Variants in ZFHX3 observed in about 807,000 individuals in gnomAD.
The protein encoded by ZFHX3 is zinc finger homeobox 3.
A neutral mutation model predicts 279.1 loss-of-function variants in ZFHX3; 42 were observed. The ratio of observed to expected loss-of-function variants is 0.15; its 90% CI spans 0.12 to 0.19. ZFHX3 has a LOEUF of 0.19. Among genes scored for constraint, ZFHX3 ranks in the 10% least tolerant of loss-of-function variants. ZFHX3 has a pLI of 1.00. For synonymous variants in ZFHX3, 2,293 were observed against 1,957.8 expected, an observed-to-expected ratio of 1.17 and a Z score of -4.52; for missense variants, 4,981 against 4,754.0, an observed-to-expected ratio of 1.05 and a Z score of -1.40.
intron 2 of ZFHX3, among the ~76,000 whole-genome samples, chr16:73,619,622 G>A (rs1012569762): frequency 1.3e-5 from 2 of 151,380 alleles, no homozygotes; most frequent in Non-Finnish European, 2.9e-5. Flanking sequence ...CAAAGTTTAT[G>A]GTCCTTGGCT....
At chr16:73,242,483 C>T (rs1220538319) in intron 5 of ZFHX3, among the ~76,000 whole-genome samples, 2 of 152,140 alleles carry the variant, frequency 1.3e-5, no homozygotes, top group South Asian at 4.1e-4. Flanking sequence ...GTGAGTTTTT[C>T]GTGTCTCTTG....
At chr16:73,603,437 G>A (rs1043956302) in intron 2 of ZFHX3, among the ~76,000 whole-genome samples, 1 of 152,106 alleles carries the variant, frequency 6.6e-6, no homozygotes, top group Admixed American at 6.5e-5. Context: ...AGACATTGAG[G>A]CATTCTTTAA....
chr16:73,535,869 C>G (rs900039883), intron 2 of ZFHX3, among the ~76,000 whole-genome samples: 2 of 151,900 alleles, frequency 1.3e-5, no homozygotes, highest in African/African-American at 4.8e-5. Context: ...ACTACAGGCG[C>G]TCCCCACTAT....
chr16:73,677,491 C>A (rs1016173722), intron 2 of ZFHX3, among the ~76,000 whole-genome samples: 1 of 151,654 alleles, frequency 6.6e-6, no homozygotes, highest in Non-Finnish European at 1.5e-5. Flanking sequence ...AGTAGGAAAA[C>A]AGAACAACTG....
intron 2 of ZFHX3, among the ~76,000 whole-genome samples, chr16:73,653,091 G>C (rs561341306): frequency 6.6e-6 from 1 of 152,208 alleles, no homozygotes; most frequent in East Asian, 1.9e-4. Context: ...ATTAGCAAAA[G>C]TATAGATTTT....
At position 73,713,583 on chromosome 16, in the gene ZFHX3, G is replaced by A. The variant is rs374113211; in HGVS notation, c.-1607-33343C>T. 4.5e-4 allele frequency among the ~76,000 whole-genome samples: 69 copies of A among 151,784 alleles called. 1 individual carries two copies. The South Asian group carries it at 0.012, about 26-fold the overall frequency. Reference sequence around the variant, plus strand: ...AGCTTTCAAAGTACCCGCAGCCAACGGCAGCCAAACAGCACTTTACAGCCA... The same window carrying A: ...AGCTTTCAAAGTACCCGCAGCCAACAGCAGCCAAACAGCACTTTACAGCCA... On this transcript the variant is annotated intron_variant, in intron 1 of 17. Coordinates refer to the ZFHX3 transcript ENST00000641206.
intron 1 of ZFHX3, among the ~76,000 whole-genome samples, chr16:73,792,122 G>C (rs1290715121): frequency 1.3e-5 from 2 of 152,176 alleles, no homozygotes; most frequent in Admixed American, 1.3e-4. Context: ...AACAACATAT[G>C]CTGCCCACAG....
intron 1 of ZFHX3, among the ~76,000 whole-genome samples, chr16:73,689,559 T>G (rs1273592622): frequency 6.6e-6 from 1 of 152,124 alleles, no homozygotes; most frequent in African/African-American, 2.4e-5. Flanking sequence ...CCCCCACTCA[T>G]TCCACATCTA....
intron 2 of ZFHX3, among the ~76,000 whole-genome samples, chr16:73,663,544 T>A (rs773415842): frequency 6.6e-6 from 1 of 152,162 alleles, no homozygotes; most frequent in Non-Finnish European, 1.5e-5. Flanking sequence ...CTAGTGGGAA[T>A]AAAAAATAGA....
chr16:73,245,688 C>A (rs933300586), intron 5 of ZFHX3, among the ~76,000 whole-genome samples: 2 of 152,120 alleles, frequency 1.3e-5, no homozygotes, highest in African/African-American at 4.8e-5. Flanking sequence ...CAGAGCTGGC[C>A]CCTACCTGGG....
intron 2 of ZFHX3, among the ~76,000 whole-genome samples, chr16:73,463,421 A>C (rs556355199): frequency 2.0e-5 from 3 of 152,134 alleles, no homozygotes; most frequent in Non-Finnish European, 2.9e-5. Flanking sequence ...CTTGACCTCT[A>C]ATTTCTCTCA....
chr16:73,350,197 A>G (rs940115911), intron 3 of ZFHX3, among the ~76,000 whole-genome samples: 3 of 152,124 alleles, frequency 2.0e-5, no homozygotes, highest in African/African-American at 4.8e-5. Flanking sequence ...GATTTATTCA[A>G]CCCCTTTTCC....
chr16:73,568,776 A>G (rs1441925592), intron 2 of ZFHX3, among the ~76,000 whole-genome samples: 1 of 151,994 alleles, frequency 6.6e-6, no homozygotes, highest in Non-Finnish European at 1.5e-5. Flanking sequence ...CCTCTTGCAA[A>G]TTTCTTTGGT....
At position 73,017,926 on chromosome 16, in the gene ZFHX3, C is replaced by G. The variant is rs556030165; in HGVS notation, c.-50+29826G>C. ...TCTCTCCTCTTCAGAAAATGATTTCCTCCTTTTGGATGAAAATTTGATTTT... is the reference window on the plus strand; with the variant it reads ...TCTCTCCTCTTCAGAAAATGATTTCGTCCTTTTGGATGAAAATTTGATTTT... On this transcript the variant is annotated intron_variant, in intron 1 of 9. Transcript: ENST00000268489. Among the ~76,000 whole-genome samples the G allele has an allele frequency of 7.1e-4, 108 of 152,248 alleles. 1 individual carries two copies. Among genetic ancestry groups the G allele is most frequent in the Non-Finnish European group, 1.4e-3 (95 of 68,012 alleles).
intron 4 of ZFHX3, among the ~76,000 whole-genome samples, chr16:73,281,530 GTAGCTAACAATACTGTGCCTGTGCCTA>G (rs1407976949): frequency 6.6e-6 from 1 of 152,230 alleles, no homozygotes; most frequent in African/African-American, 2.4e-5. Context: ...AGCTAAGGCT[GTAGCTAACAATACTGTGCCTGTGCCTA>G]TAGCTAACAA....
upstream of ZFHX3, among the ~76,000 whole-genome samples, chr16:73,048,702 C>A (rs1470223674): frequency 6.6e-6 from 1 of 152,236 alleles, no homozygotes. Context: ...GGACAGGAGC[C>A]AATGTGGACA....
intron 5 of ZFHX3, 79 bp from the exon 6 acceptor site, chr16:72,812,117 A>G: frequency 6.5e-7 from 1 of 1,536,978 alleles, no homozygotes; most frequent in South Asian, 1.3e-5. Flanking sequence ...GTGAAAATCA[A>G]CATTCATTTA....
chr16:73,718,798 T>C lies in ZFHX3; in HGVS notation c.-1607-38558A>G, dbSNP rs112948296. On this transcript the variant is annotated intron_variant, in intron 1 of 17. Transcript: ENST00000641206. ...GTCCAGCTAATTTTTGTATTTTTAA[T>C]AGAGACGGGGTTTCGCCATATTGGC... Among the ~76,000 whole-genome samples the C allele has an allele frequency of 2.0e-3, 297 of 152,022 alleles. 5 individuals are homozygous for C. Among genetic ancestry groups the C allele is most frequent in the Middle Eastern group, 0.01 (3 of 294 alleles).
chr16:72,985,838 G>C (rs1027818736), intron 1 of ZFHX3, among the ~76,000 whole-genome samples: 5 of 152,194 alleles, frequency 3.3e-5, no homozygotes, highest in East Asian at 3.9e-4. Context: ...GGGGTTAATG[G>C]AAGCTGACCG....
Sources: allele counts gnomAD v4.1 joint callset (sites outside exome capture counted in the v4.1 genomes callset), GRCh38; gene constraint gnomAD v4.1.1; transcripts MANE v1.5; gene names NCBI Gene and HGNC (gene_info 2026-07-23, HGNC 2026-07-21).